MAF: variants seen among roughly 807,000 people sequenced by gnomAD.
MAF encodes MAF bZIP transcription factor.
In MAF, 10 loss-of-function variants were observed where a neutral mutation model predicts 22.0. The observed-to-expected ratio is 0.45, with a 90% CI of 0.28 to 0.77. The LOEUF (loss-of-function observed/expected upper bound fraction) is 0.77, where lower values mean the gene tolerates loss of function less well. MAF is among the 30% of genes least tolerant of loss of function. The pLI is 0.12. For synonymous variants in MAF, 337 were observed against 255.8 expected (o/e 1.32, Z -3.03); for missense variants, 544 against 548.4 (o/e 0.99, Z 0.08).
At chr16:79,286,030 G>A in the MAF span, among the ~76,000 whole-genome samples, 1 of 152,132 alleles carries the variant, frequency 6.6e-6, no homozygotes, top group Non-Finnish European at 1.5e-5. Flanking sequence ...GGCTACTTCA[G>A]TTTACAGAGG....
chr16:79,353,217 G>A, the MAF span, among the ~76,000 whole-genome samples: 1 of 151,864 alleles, frequency 6.6e-6, no homozygotes, highest in Non-Finnish European at 1.5e-5. Flanking sequence ...TGCCTCCCAG[G>A]TCCAAGCAAT....
chr16:79,302,549 C>G, the MAF span, among the ~76,000 whole-genome samples: 1 of 152,212 alleles, frequency 6.6e-6, no homozygotes, highest in African/African-American at 2.4e-5. Flanking sequence ...GTTCTCCCTT[C>G]CAAGAAAACG....
At chr16:79,454,670 C>G in the MAF span, among the ~76,000 whole-genome samples, 1 of 152,264 alleles carries the variant, frequency 6.6e-6, no homozygotes, top group Middle Eastern at 3.4e-3. Flanking sequence ...CCCTACACAC[C>G]TGTTCTTTCA....
chr16:79,378,317 T>C, the MAF span, among the ~76,000 whole-genome samples: 8 of 152,240 alleles, frequency 5.3e-5, no homozygotes, highest in Non-Finnish European at 8.8e-5. Flanking sequence ...TGCAACAGCA[T>C]AGATGAAGTT....
At chr16:79,223,056 C>T in the MAF span, among the ~76,000 whole-genome samples, 36 of 152,310 alleles carry the variant, frequency 2.4e-4, no homozygotes, top group African/African-American at 7.9e-4. Flanking sequence ...CGCAAATCAA[C>T]AAAATATACA....
At chr16:79,595,357 C>G (rs1242074912) in intron 1 of MAF, 2 of 1,051,192 alleles carry the variant, frequency 1.9e-6, no homozygotes, top group East Asian at 1.1e-4. Flanking sequence ...CTTAGCAGCA[C>G]CAAACACAAC....
At chr16:79,578,409 T>C in the MAF span, among the ~76,000 whole-genome samples, 1 of 152,212 alleles carries the variant, frequency 6.6e-6, no homozygotes, top group African/African-American at 2.4e-5. Context: ...ATATTTATAT[T>C]GATACTCATG....
At chr16:79,367,551 T>C in the MAF span, among the ~76,000 whole-genome samples, 1 of 152,194 alleles carries the variant, frequency 6.6e-6, no homozygotes, top group African/African-American at 2.4e-5. Flanking sequence ...ACATACTAAG[T>C]GACTCAGGGA....
In MAF at chr16:79,599,853, AG is replaced by A. The variant is rs2143819592; in HGVS notation, c.49del (p.Leu17TrpfsTer11). Reference protein sequence around the residue: ...MSNSDLPTSPLAMEYVNDFDL... With the variant: ...MSNSDLPTSPXAMEYVNDFDL... ...GAAGTCATTAACATATTCCATGGCC[AG>A]GGGACTGGTGGGCAGGTCGGAGTTG... is the stretch of plus-strand genomic sequence containing the variant. On this transcript the variant is annotated frameshift_variant, in exon 1 of 2. Coordinates refer to ENST00000326043, the MANE Select transcript of MAF (RefSeq NM_005360.5). LOFTEE classifies it high-confidence loss of function. 1 of 1,610,074 alleles carries A rather than the reference AG, an allele frequency of 6.2e-7. No individual in the cohort carries two copies.
At chr16:79,282,127 C>T in the MAF span, among the ~76,000 whole-genome samples, 7 of 152,024 alleles carry the variant, frequency 4.6e-5, no homozygotes, top group African/African-American at 1.7e-4. Flanking sequence ...ATGGTGAAAC[C>T]CCGTCTCTAC....
the MAF span, among the ~76,000 whole-genome samples, chr16:79,367,886 T>G: frequency 6.6e-6 from 1 of 152,314 alleles, no homozygotes; most frequent in East Asian, 1.9e-4. Context: ...CTTCTTTTGG[T>G]CCTTCAGATC....
At chr16:79,579,482 G>A in the MAF span, among the ~76,000 whole-genome samples, 2 of 151,878 alleles carry the variant, frequency 1.3e-5, no homozygotes, top group African/African-American at 2.4e-5. Context: ...CCCCAAAGTC[G>A]GTTTTTACAG....
At chr16:79,225,638 G>A in the MAF span, among the ~76,000 whole-genome samples, 2 of 151,984 alleles carry the variant, frequency 1.3e-5, no homozygotes, top group Non-Finnish European at 2.9e-5. Context: ...CTGACAAAGG[G>A]CTAATATCCA....
At chr16:79,560,547 A>AG in the MAF span, among the ~76,000 whole-genome samples, 1 of 152,150 alleles carries the variant, frequency 6.6e-6, no homozygotes, top group African/African-American at 2.4e-5. Flanking sequence ...TTCAAGCTAA[A>AG]GGCATTTGAG....
At chr16:79,485,027 T>A in the MAF span, among the ~76,000 whole-genome samples, 12 of 152,222 alleles carry the variant, frequency 7.9e-5, no homozygotes, top group Non-Finnish European at 1.8e-4. Flanking sequence ...AAAATGGACA[T>A]CATGCTTCTT....
chr16:79,329,352 C>G, the MAF span, among the ~76,000 whole-genome samples: 1 of 152,152 alleles, frequency 6.6e-6, no homozygotes, highest in Admixed American at 6.5e-5. Context: ...GAGTTTGCAT[C>G]AGTCTTTGCT....
At chr16:79,587,555 C>T (rs566469175) in intron 1 of MAF, among the ~76,000 whole-genome samples, 1 of 152,078 alleles carries the variant, frequency 6.6e-6, no homozygotes, top group Non-Finnish European at 1.5e-5. Flanking sequence ...ATATGTTAAG[C>T]TTCGGCAAGG....
chr16:79,243,281 A>AT, the MAF span, among the ~76,000 whole-genome samples: 2 of 151,238 alleles, frequency 1.3e-5, no homozygotes, highest in Non-Finnish European at 3.0e-5. Context: ...TTTCTTTTTT[A>AT]TTTTTTTATT....
chr16:79,367,278 T>C, the MAF span, among the ~76,000 whole-genome samples: 1 of 152,220 alleles, frequency 6.6e-6, no homozygotes, highest in Non-Finnish European at 1.5e-5. Context: ...GCTCAAATGA[T>C]ACCCTTGCTA....
Sources: allele counts gnomAD v4.1 joint callset (sites outside exome capture counted in the v4.1 genomes callset), GRCh38; gene constraint gnomAD v4.1.1; transcripts MANE v1.5; gene names NCBI Gene and HGNC (gene_info 2026-07-23, HGNC 2026-07-21).